Variants in KCNH1 observed in about 807,000 individuals in gnomAD.
The protein encoded by KCNH1 is potassium voltage-gated channel subfamily H member 1, also known as voltage-gated delayed rectifier potassium channel KCNH1.
KCNH1 carries 27 observed loss-of-function variants against 69.2 expected under a neutral mutation model. That is an observed-to-expected ratio of 0.39 (90% CI 0.29 to 0.54). The LOEUF (loss-of-function observed/expected upper bound fraction) is 0.54. Ranked by LOEUF, KCNH1 falls within the 20% of genes least tolerant of loss-of-function variation. The probability of loss-of-function intolerance (pLI) is 0.68; values close to 1 mark genes in which losing one functional copy is unlikely to be tolerated. For missense variants in KCNH1, 798 were observed against 1,261.6 expected (o/e 0.63, Z 5.57); for synonymous variants, 456 against 487.7 (o/e 0.93, Z 0.86).
At chr1:210,820,645 C>A (rs1457467457) in intron 7 of KCNH1, among the ~76,000 whole-genome samples, 3 of 151,958 alleles carry the variant, frequency 2.0e-5, no homozygotes. Flanking sequence ...AAAAACAAAA[C>A]AAAACAGAAA....
rs201767162 is a variant in KCNH1, at chr1:211,076,921, T to C, written c.558+5859A>G. 5.3e-5 allele frequency among the ~76,000 whole-genome samples: 8 copies of C among 152,282 alleles called. No homozygotes were observed. The East Asian group carries it at 1.5e-3, about 29-fold the overall frequency. On this transcript the variant is annotated intron_variant, in intron 5 of 10. Coordinates refer to ENST00000271751, the MANE Select transcript of KCNH1 (RefSeq NM_172362.3). ...AGTGTAGAGTAGACCTTAAATGACC[T>C]GATGGAGCTGAAAACCATGGCACAA...
chr1:210,908,711 G>C (rs918554349), intron 7 of KCNH1, among the ~76,000 whole-genome samples: 1 of 152,202 alleles, frequency 6.6e-6, no homozygotes, highest in East Asian at 1.9e-4. Flanking sequence ...TAAGAAGGGG[G>C]CCCAGCCCTC....
chr1:210,934,308 T>A (rs137971514), intron 6 of KCNH1, among the ~76,000 whole-genome samples: 3 of 152,116 alleles, frequency 2.0e-5, no homozygotes, highest in African/African-American at 7.2e-5. Context: ...TTAAGTAATA[T>A]CTAGAATATA....
chr1:210,832,921 T>TATATATATATATATATATATATATATAC (rs10693882), intron 7 of KCNH1, among the ~76,000 whole-genome samples: 8 of 144,214 alleles, frequency 5.5e-5, no homozygotes, highest in Non-Finnish European at 7.7e-5. Context: ...TATATATATA[T>TATATATATATATATATATATATATATAC]ACATATAAAT....
intron 5 of KCNH1, among the ~76,000 whole-genome samples, chr1:211,019,906 G>A (rs548566730): frequency 1.6e-4 from 25 of 152,048 alleles, no homozygotes; most frequent in South Asian, 2.1e-4. Flanking sequence ...ATGACCAGTG[G>A]GTCAATAGAG....
intron 6 of KCNH1, among the ~76,000 whole-genome samples, chr1:211,002,306 A>G (rs1689200258): frequency 6.9e-6 from 1 of 144,766 alleles, no homozygotes; most frequent in South Asian, 2.2e-4. Context: ...ATATGTATAC[A>G]TGTATACGTG....
At chr1:210,964,762 T>C (rs1478611935) in intron 6 of KCNH1, among the ~76,000 whole-genome samples, 16 of 152,124 alleles carry the variant, frequency 1.1e-4, no homozygotes, top group Admixed American at 1.0e-3. Context: ...GAGGCCAGCA[T>C]CATCCTGATA....
Position 210,779,812 on chromosome 1 carries a change from TC to T in KCNH1, c.1916-4269del, listed in dbSNP as rs1261498715. On this transcript the variant is annotated intron_variant, in intron 9 of 10. Coordinates refer to ENST00000271751, the MANE Select transcript of KCNH1 (RefSeq NM_172362.3). ...CAGTAATAATTAATCCTCCTCCTCT[TC>T]CCCCCAATTATATGGAGCTGTCTTT... is the stretch of plus-strand genomic sequence containing the variant. 2.0e-5 allele frequency among the ~76,000 whole-genome samples: 3 copies of T among 152,070 alleles called. No homozygotes were observed. The East Asian group carries it at 5.8e-4, about 29-fold the overall frequency.
chr1:210,683,920 G>A lies in KCNH1; in HGVS notation c.2331C>T (p.Ser777=), dbSNP rs768328890. Residue 777 remains serine, a synonymous_variant, in exon 11 of 11, where the codon TCC becomes TCT. Transcript: ENST00000271751. The surrounding 1 kb of genome is among the most constrained non-coding windows in gnomAD (Gnocchi z 5.7). ...TGGCCTTCACGAGGCTGTGGTTGGC[G>A]GAGGCATGCTCTGTAAGGACATTGC... The part of the protein sequence containing the change: ...EKGNVLTEHA[S]ANHSLVKASV... 2.0e-5 allele frequency: 33 copies of A among 1,612,628 alleles called. No individual in the cohort carries two copies. The East Asian group carries it at 2.9e-4, about 14-fold the overall frequency.
At chr1:210,788,568 T>C (rs2102388660) in intron 9 of KCNH1, among the ~76,000 whole-genome samples, 1 of 152,138 alleles carries the variant, frequency 6.6e-6, no homozygotes, top group African/African-American at 2.4e-5. Context: ...AACACAGAAT[T>C]AGGAAAGAGA....
intron 7 of KCNH1, among the ~76,000 whole-genome samples, chr1:210,851,295 T>C (rs1403820599): frequency 6.6e-6 from 1 of 152,254 alleles, no homozygotes; most frequent in Non-Finnish European, 1.5e-5. Context: ...TTTCACTTTC[T>C]CATTTCTTGA....
intron 10 of KCNH1, among the ~76,000 whole-genome samples, chr1:210,707,358 T>G (rs1681939497): frequency 6.6e-6 from 1 of 152,092 alleles, no homozygotes; most frequent in Non-Finnish European, 1.5e-5. Context: ...ACAGTCTGCC[T>G]GTAATAAGGC....
chr1:210,729,172 A>G (rs1027340493), intron 10 of KCNH1, among the ~76,000 whole-genome samples: 8 of 152,236 alleles, frequency 5.3e-5, no homozygotes, highest in African/African-American at 1.7e-4. Context: ...ATGCAAGGGG[A>G]AAAAGGAAAG....
At chr1:211,039,941 G>A (rs1017874753) in intron 5 of KCNH1, among the ~76,000 whole-genome samples, 5 of 152,168 alleles carry the variant, frequency 3.3e-5, no homozygotes, top group Non-Finnish European at 7.3e-5. Flanking sequence ...TGTAATCCCA[G>A]CACTTTGGGA....
chr1:210,869,004 T>C (rs1686177558), intron 7 of KCNH1, among the ~76,000 whole-genome samples: 1 of 152,128 alleles, frequency 6.6e-6, no homozygotes, highest in African/African-American at 2.4e-5. Context: ...TTTTATTTCA[T>C]ATTTATTTTT....
At chr1:210,862,141 A>G (rs957834771) in intron 7 of KCNH1, 26 of 1,328,804 alleles carry the variant, frequency 2.0e-5, no homozygotes, top group Non-Finnish European at 2.5e-5. Flanking sequence ...AGGTAAATCC[A>G]GCTGTTCCGA....
At chr1:210,689,656 A>G (rs1266831171) in intron 10 of KCNH1, among the ~76,000 whole-genome samples, 2 of 152,228 alleles carry the variant, frequency 1.3e-5, no homozygotes. Flanking sequence ...CCAGTCTGAA[A>G]TGCTCAGCAG....
At chr1:210,963,097 C>G (rs1290532200) in intron 6 of KCNH1, among the ~76,000 whole-genome samples, 1 of 151,772 alleles carries the variant, frequency 6.6e-6, no homozygotes, top group Non-Finnish European at 1.5e-5. Context: ...CATGCTGTCT[C>G]TGCTGAATAG....
intron 5 of KCNH1, among the ~76,000 whole-genome samples, chr1:211,033,722 C>T (rs1415578946): frequency 1.3e-5 from 2 of 151,232 alleles, no homozygotes; most frequent in Admixed American, 1.3e-4. Flanking sequence ...AATGAGAACA[C>T]ATGGACACAG....
Sources: gnomAD v4.1 joint callset for allele counts (sites outside exome capture counted in the v4.1 genomes callset) on GRCh38, gnomAD v4.1.1 for gene constraint, Gnocchi (gnomAD v3.1) non-coding constraint, MANE v1.5 for transcripts, NCBI Gene and HGNC (gene_info 2026-07-23, HGNC 2026-07-21) for gene names.